The following TBC1D2B variants were observed in gnomAD, a reference collection of about 807,000 sequenced individuals.
The protein encoded by TBC1D2B is TBC1 domain family, member 2B.
In TBC1D2B, 64 loss-of-function variants were observed where a neutral mutation model predicts 100.8. The ratio of observed to expected loss-of-function variants is 0.64; its 90% CI spans 0.52 to 0.78. The LOEUF (loss-of-function observed/expected upper bound fraction) is 0.78, where lower values mean the gene tolerates loss of function less well. TBC1D2B is among the 30% of genes least tolerant of loss of function. The pLI is 0.00. For synonymous variants in TBC1D2B, 480 were observed against 479.7 expected (o/e 1.00, Z -0.01); for missense variants, 1,052 against 1,218.4 (o/e 0.86, Z 2.03).
In TBC1D2B at chr15:78,040,896, A is replaced by AAGAAAGAAAGAAAGAAAGAG. The variant is rs1273322028; in HGVS notation, c.683+4003_683+4004insCTCTTTCTTTCTTTCTTTCT. Among the ~76,000 whole-genome samples the AAGAAAGAAAGAAAGAAAGAG allele has an allele frequency of 1.7e-4, 24 of 145,326 alleles. No individual in the cohort carries two copies. The East Asian group carries it at 3.4e-3, about 20-fold the overall frequency. Reference sequence around the variant, plus strand: ...AAAGAAAGAAAGAGAGAGAGAGAGAAAGAAAGAAAGAAAGAAAAGGGAGGC... The same window carrying AAGAAAGAAAGAAAGAAAGAG: ...AAAGAAAGAAAGAGAGAGAGAGAGAAAGAAAGAAAGAAAGAAAGAGAGAAAGAAAGAAAGAAAAGGGAGGC... On this transcript the variant is annotated intron_variant, in intron 3 of 12. Coordinates refer to ENST00000300584, the MANE Select transcript of TBC1D2B (RefSeq NM_144572.2).
Position 78,077,551 on chromosome 15 carries a change from T to TGGCTCCCGCGCC in TBC1D2B, c.90_101dup (p.Glu33_Arg36dup). ...TCTGCAGATAGCCACACAGCCGCGC[T>TGGCTCCCGCGCC]GGCTCCCGCGCCGGACCCGCCCCGG... On this transcript the variant is annotated inframe_insertion, in exon 1 of 13. Coordinates refer to ENST00000300584, the MANE Select transcript of TBC1D2B (RefSeq NM_144572.2). 6.8e-7 allele frequency: 1 copy of TGGCTCCCGCGCC among 1,467,348 alleles called. No individual in the cohort carries two copies. The highest frequency in any genetic ancestry group is 1.3e-5 in the South Asian group (1 of 76,366). The allele number at this position is 1,467,348 out of a possible 1,614,324, so 90.9% of individuals were successfully genotyped here.
chr15:78,027,250 G>T (rs1001758971), intron 4 of TBC1D2B, among the ~76,000 whole-genome samples: 1 of 152,180 alleles, frequency 6.6e-6, no homozygotes, highest in Non-Finnish European at 1.5e-5. Context: ...TGACTGGAAA[G>T]GGCACGGGGA....
At chr15:78,016,833 A>C in intron 7 of TBC1D2B, 94 bp from the exon 8 acceptor site, 2 of 1,024,232 alleles carry the variant, frequency 2.0e-6, no homozygotes, top group Non-Finnish European at 2.7e-6. Context: ...CAAACCCAAA[A>C]CTATTAGGAA....
chr15:78,007,457 A>T (rs760213426), intron 10 of TBC1D2B, among the ~76,000 whole-genome samples: 4 of 152,164 alleles, frequency 2.6e-5, no homozygotes, highest in Non-Finnish European at 5.9e-5. Context: ...GACGACAGGG[A>T]TACAGGGGAA....
intron 1 of TBC1D2B, among the ~76,000 whole-genome samples, chr15:78,064,378 G>GTTTATT: frequency 6.6e-6 from 1 of 152,264 alleles, no homozygotes; most frequent in South Asian, 2.1e-4. Context: ...AATCACGAAG[G>GTTTATT]AGCCACAGGA....
In TBC1D2B at chr15:78,016,633, T is replaced by C. The variant is rs763115685; in HGVS notation, c.1688A>G (p.Glu563Gly). ...ATCCTCCAGCAACTGGGCTATGACC[T>C]CCCGGGTGGGCCCCTGGTCTTCTGA... ...VCSEDQGPTR[E>G]VIAQLLEDAL... The change falls in exon 8 of 13, where the codon GAG (glutamate) becomes GGG (glycine). Residue 563 changes from glutamate (E) to glycine (G), a missense_variant. Physicochemically the swap from Glu to Gly is moderately conservative, Grantham distance 98 (BLOSUM62 -2). Around this residue, in one of 4 missense-constraint regions of TBC1D2B, gnomAD observed 373 missense variants for 464.9 expected, o/e 0.80. Coordinates refer to ENST00000300584, the MANE Select transcript of TBC1D2B (RefSeq NM_144572.2). 3.1e-6 allele frequency: 5 copies of C among 1,612,864 alleles called. No individual in the cohort carries two copies. Among genetic ancestry groups the C allele is most frequent in the Non-Finnish European group, 4.2e-6 (5 of 1,179,480 alleles).
rs142995705 is a variant in TBC1D2B at position 78,070,807 on chromosome 15, G to A, written c.360+6486C>T. 3.1e-3 allele frequency among the ~76,000 whole-genome samples: 466 copies of A among 152,208 alleles called. 4 individuals carry two copies. Among genetic ancestry groups the A allele is most frequent in the African/African-American group, 0.011 (446 of 41,542 alleles). On this transcript the variant is annotated intron_variant, in intron 1 of 12. Transcript: ENST00000300584. ...CAAGTAGCTGGGACTAAAGACATGTGCCATCATGCCTGGCTAGTTTGTTTT... is the reference window on the plus strand; with the variant it reads ...CAAGTAGCTGGGACTAAAGACATGTACCATCATGCCTGGCTAGTTTGTTTT...
rs1369087045 is a variant in TBC1D2B at position 77,997,545 on chromosome 15, A to C, written c.*615T>G. On this transcript the variant is annotated 3_prime_UTR_variant, in exon 13 of 13. Coordinates refer to ENST00000300584, the MANE Select transcript of TBC1D2B (RefSeq NM_144572.2). Reference sequence around the variant, plus strand: ...ACACTGATGGAAGGGTTGCGTGTGGAAGAGCAAAGGCTATTCTAGAAATGG... The same window carrying C: ...ACACTGATGGAAGGGTTGCGTGTGGCAGAGCAAAGGCTATTCTAGAAATGG... The C allele has an allele frequency of 1.3e-5, 2 of 152,326 alleles. No homozygotes were observed. Among genetic ancestry groups the C allele is most frequent in the Non-Finnish European group, 2.9e-5 (2 of 68,090 alleles). The allele number at this position is 152,326 out of a possible 1,614,324, so 9.4% of individuals were successfully genotyped here.
At chr15:78,020,768 G>A (rs575816906) in intron 6 of TBC1D2B, among the ~76,000 whole-genome samples, 1 of 152,186 alleles carries the variant, frequency 6.6e-6, no homozygotes, top group Non-Finnish European at 1.5e-5. Flanking sequence ...AAACTGTGAG[G>A]CCCAGGAGTG....
intron 3 of TBC1D2B, among the ~76,000 whole-genome samples, chr15:78,041,234 T>C (rs893231709): frequency 1.3e-4 from 20 of 152,260 alleles, no homozygotes; most frequent in Non-Finnish European, 2.5e-4. Context: ...CAATTCCTTT[T>C]TTATATTTCA....
chr15:78,007,449 C>T (rs556947199), intron 10 of TBC1D2B, among the ~76,000 whole-genome samples: 15 of 152,200 alleles, frequency 9.9e-5, no homozygotes, highest in South Asian at 8.3e-4. Context: ...GAAATGGTGA[C>T]GACAGGGATA....
intron 1 of TBC1D2B, among the ~76,000 whole-genome samples, chr15:78,075,208 A>T (rs1255790736): frequency 1.3e-5 from 2 of 149,694 alleles, no homozygotes; most frequent in Non-Finnish European, 3.0e-5. Flanking sequence ...TTTTTTTTTT[A>T]ATTTTTTTTG....
chr15:78,028,631 C>T (rs1222196844), intron 4 of TBC1D2B, among the ~76,000 whole-genome samples: 4 of 152,184 alleles, frequency 2.6e-5, no homozygotes, highest in Admixed American at 2.6e-4. Context: ...GCTTCAGATG[C>T]GATACGATAG....
chr15:78,063,205 A>G (rs922512125), intron 1 of TBC1D2B, among the ~76,000 whole-genome samples: 1 of 150,792 alleles, frequency 6.6e-6, no homozygotes, highest in Non-Finnish European at 1.5e-5. Flanking sequence ...ATGTTTACCC[A>G]TGATAACCCA....
chr15:78,003,249 C>A, intron 11 of TBC1D2B, 56 bp downstream of exon 11: 1 of 1,533,136 alleles, frequency 6.5e-7, no homozygotes, highest in Non-Finnish European at 9.0e-7. Context: ...GCCACCAACG[C>A]TGCTGACGGT....
intron 6 of TBC1D2B, among the ~76,000 whole-genome samples, chr15:78,019,001 G>A (rs8030999): frequency 0.82 from 124,321 of 151,840 alleles, 51,573 homozygotes; most frequent in Non-Finnish European, 0.89. Flanking sequence ...TAATCTCCCA[G>A]TCACAGAAGA....
intron 3 of TBC1D2B, chr15:78,034,616 C>G: frequency 1.0e-6 from 1 of 984,598 alleles, no homozygotes; most frequent in Non-Finnish European, 1.2e-6. Context: ...CTGCCACACA[C>G]CCTCCTTCCT....
intron 8 of TBC1D2B, among the ~76,000 whole-genome samples, chr15:78,015,794 A>T (rs188331716): frequency 5.3e-5 from 8 of 152,254 alleles, no homozygotes; most frequent in African/African-American, 1.9e-4. Flanking sequence ...AACATCCATA[A>T]AAGTGTTTAG....
chr15:78,075,052 G>C (rs181551624), intron 1 of TBC1D2B, among the ~76,000 whole-genome samples: 2 of 152,106 alleles, frequency 1.3e-5, no homozygotes, highest in African/African-American at 2.4e-5. Context: ...CTAGACCAAA[G>C]AGGAAACTGG....
Sources: allele counts gnomAD v4.1 joint callset (sites outside exome capture counted in the v4.1 genomes callset), GRCh38; gene constraint gnomAD v4.1.1; regional missense constraint gnomAD v4.1.1; transcripts MANE v1.5; gene names NCBI Gene and HGNC (gene_info 2026-07-23, HGNC 2026-07-21).